The following CDK13 variants were observed in gnomAD, a reference collection of about 807,000 sequenced individuals.
CDK13 encodes cyclin dependent kinase 13.
A neutral mutation model predicts 137.6 loss-of-function variants in CDK13; 40 were observed. The observed-to-expected ratio is 0.29, with a 90% CI of 0.23 to 0.38. CDK13 has a LOEUF of 0.38. Ranked by LOEUF, CDK13 falls within the 10% of genes least tolerant of loss-of-function variation. The pLI is 1.00. For missense variants in CDK13, 1,704 were observed against 1,951.8 expected, an observed-to-expected ratio of 0.87 and a Z score of 2.39; for synonymous variants, 869 against 760.1, an observed-to-expected ratio of 1.14 and a Z score of -2.36.
Position 39,988,199 on chromosome 7 carries a change from C to T in CDK13, c.1812C>T (p.Thr604=), listed in dbSNP as rs780659478. Reference sequence around the variant, plus strand: ...AGGAGCAACATGTAGCTTTAGTCACCTCTACATTACCACCGTTACCTTTGC... The same window carrying T: ...AGGAGCAACATGTAGCTTTAGTCACTTCTACATTACCACCGTTACCTTTGC... ...KEKEQHVALV[T]STLPPLPLPP... is the part of the protein sequence containing the mutation. The change falls in exon 2 of 14, where the codon ACC becomes ACT. Residue 604 remains threonine (T), a synonymous_variant. Coordinates refer to ENST00000181839, the MANE Select transcript of CDK13 (RefSeq NM_003718.5). The T allele has an allele frequency of 1.2e-6, 2 of 1,613,824 alleles. No individual in the cohort carries two copies. The highest frequency in any genetic ancestry group is 1.7e-5 in the Admixed American group (1 of 59,940).
intron 5 of CDK13, among the ~76,000 whole-genome samples, chr7:40,027,451 G>A (rs1584008246): frequency 6.6e-6 from 1 of 152,094 alleles, no homozygotes; most frequent in African/African-American, 2.4e-5. Flanking sequence ...ACTTTGTATT[G>A]TACACTCACA....
Position 40,043,845 on chromosome 7 carries a change from AAAAG to A in CDK13, c.2354-1987_2354-1984del, listed in dbSNP as rs1240265404. ...AGACCCTGTCTCAAAAAAAAAAAAG[AAAAG>A]AAAAATACAGAGTTTTACAATTTGG... On this transcript the variant is annotated intron_variant, in intron 5 of 13. Transcript: ENST00000181839. 2.9e-4 allele frequency among the ~76,000 whole-genome samples: 36 copies of A among 126,018 alleles called. No homozygotes were observed. In the East Asian group the frequency reaches 0.014, roughly 50 times the overall value. 82.7% of individuals were successfully genotyped at this position (126,018 alleles called of 152,430 possible). A position where few individuals can be genotyped will look rare whatever the true frequency, so the allele number is the denominator to read the frequency against.
chr7:39,965,505 G>A (rs1783850987), intron 1 of CDK13, among the ~76,000 whole-genome samples: 1 of 152,088 alleles, frequency 6.6e-6, no homozygotes, highest in Admixed American at 6.6e-5. Context: ...TTGAGCCTAT[G>A]TGTGTCTCTG....
intron 5 of CDK13, among the ~76,000 whole-genome samples, chr7:40,023,913 C>G (rs1045837836): frequency 6.6e-6 from 1 of 152,136 alleles, no homozygotes; most frequent in African/African-American, 2.4e-5. Context: ...TTTATTTGTC[C>G]TTAGTCAGCT....
Position 40,094,832 on chromosome 7 carries a change from G to T in CDK13, c.4391G>T (p.Gly1464Val). 10 of 1,562,094 alleles carry T rather than the reference G, an allele frequency of 6.4e-6. No homozygotes were observed. Among genetic ancestry groups the T allele is most frequent in the East Asian group, 2.2e-5 (1 of 44,524 alleles). ...PAKMHNYNYG[G>V]NLQENPSGPS... is the part of the protein sequence containing the mutation. ...AAGATGCACAACTATAACTATGGTG[G>T]TAACTTACAGGAAAATCCGAGTGGC... The change falls in exon 14 of 14, where the codon GGT (glycine) becomes GTT (valine). Residue 1464 changes from glycine (G) to valine (V), a missense_variant. By Grantham distance (109) the Gly-to-Val change is moderately radical. Coordinates refer to ENST00000181839, the MANE Select transcript of CDK13 (RefSeq NM_003718.5).
chr7:40,069,547 A>G, intron 9 of CDK13: 1 of 299,382 alleles, frequency 3.3e-6, no homozygotes, highest in Admixed American at 4.0e-5. Flanking sequence ...TTTTCAGTAC[A>G]TATTTCTTCC....
At chr7:40,051,359 C>G (rs953437145) in intron 7 of CDK13, among the ~76,000 whole-genome samples, 10 of 151,434 alleles carry the variant, frequency 6.6e-5, no homozygotes, top group African/African-American at 2.2e-4. Context: ...ATATGTTGCT[C>G]TAGTGAACCT....
chr7:40,013,243 C>T (rs1288515162), intron 5 of CDK13, among the ~76,000 whole-genome samples: 1 of 152,058 alleles, frequency 6.6e-6, no homozygotes, highest in African/African-American at 2.4e-5. Context: ...ATGATGGTTA[C>T]TAGGGGCTTA....
chr7:40,062,715 G>C (rs1786182123), intron 7 of CDK13, 111 bp from the exon 8 acceptor site: 1 of 759,276 alleles, frequency 1.3e-6, no homozygotes, highest in African/African-American at 1.7e-5. Flanking sequence ...GCAGATGAAA[G>C]TGTTTTTAGT....
Position 39,990,485 on chromosome 7 carries a change from T to C in CDK13, c.1871+2227T>C, listed in dbSNP as rs10229804. ...AGAGACTTGATATTGTTTTACTTTT[T>C]ATAAAAGTTTTTAGGTGATTAAATA... On this transcript the variant is annotated intron_variant, in intron 2 of 13. Coordinates refer to ENST00000181839, the MANE Select transcript of CDK13 (RefSeq NM_003718.5). Among the ~76,000 whole-genome samples, 444 of 152,352 alleles carry C rather than the reference T, an allele frequency of 2.9e-3. 3 individuals are homozygous for C. Among genetic ancestry groups the C allele is most frequent in the African/African-American group, 0.01 (423 of 41,588 alleles).
intron 5 of CDK13, among the ~76,000 whole-genome samples, chr7:40,005,794 A>G (rs1016622714): frequency 2.6e-5 from 4 of 152,004 alleles, no homozygotes; most frequent in African/African-American, 7.2e-5. Flanking sequence ...GTGGCATGCA[A>G]TCAGGGCTTA....
At chr7:39,996,987 AAG>A (rs1784577626) in intron 2 of CDK13, among the ~76,000 whole-genome samples, 2 of 150,938 alleles carry the variant, frequency 1.3e-5, no homozygotes, top group African/African-American at 2.5e-5. Context: ...GAAAAAAAAA[AAG>A]AAAAATGCTT....
chr7:40,064,781 AC>A (rs1436738822), intron 9 of CDK13, among the ~76,000 whole-genome samples: 3 of 137,050 alleles, frequency 2.2e-5, no homozygotes, highest in Non-Finnish European at 3.2e-5. Context: ...CTTTTATGTT[AC>A]TTTTTTTTTT....
chr7:40,044,657 G>C (rs1340018174), intron 5 of CDK13, among the ~76,000 whole-genome samples: 2 of 151,834 alleles, frequency 1.3e-5, no homozygotes, highest in African/African-American at 2.4e-5. Flanking sequence ...CTTTTTTTGA[G>C]ACGGAGTCTC....
intron 1 of CDK13, among the ~76,000 whole-genome samples, chr7:39,964,513 TTTTC>T (rs1398525547): frequency 1.3e-5 from 2 of 150,822 alleles, no homozygotes; most frequent in Non-Finnish European, 3.0e-5. Flanking sequence ...CTTCTCTCTT[TTTTC>T]TTTATTAGTC....
At chr7:40,012,787 C>CTGTA (rs1210597645) in intron 5 of CDK13, among the ~76,000 whole-genome samples, 1 of 151,884 alleles carries the variant, frequency 6.6e-6, no homozygotes, top group African/African-American at 2.4e-5. Flanking sequence ...TGGTGGGCGC[C>CTGTA]TGTAATCCCA....
chr7:40,099,118 T>G lies in CDK13; in HGVS notation c.*4138T>G, dbSNP rs1308519115. On this transcript the variant is annotated 3_prime_UTR_variant, in exon 14 of 14. Transcript: ENST00000181839. ...TTCAGGGTTTTGTAATTTCAAGTGG[T>G]TTTTTAAGGGGAGCAATAGTTTGCC... 1 of 151,764 alleles carries G rather than the reference T, an allele frequency of 6.6e-6. No individual in the cohort carries two copies. The highest frequency in any genetic ancestry group is 1.5e-5 in the Non-Finnish European group (1 of 67,902). The allele number at this position is 151,764 out of a possible 1,614,324, so 9.4% of individuals were successfully genotyped here. A position where few individuals can be genotyped will look rare whatever the true frequency, so the allele number is the denominator to read the frequency against.
chr7:40,054,571 C>T (rs935343044), intron 7 of CDK13, among the ~76,000 whole-genome samples: 3 of 152,066 alleles, frequency 2.0e-5, no homozygotes, highest in Admixed American at 6.5e-5. Flanking sequence ...GCTGGGATTA[C>T]AGGCACCTGC....
chr7:39,960,096 G>A (rs1702966105), intron 1 of CDK13, among the ~76,000 whole-genome samples: 1 of 147,294 alleles, frequency 6.8e-6, no homozygotes, highest in Non-Finnish European at 1.5e-5. Context: ...TTTTTCCAGT[G>A]GTCTTTTGGT....
Sources: allele counts gnomAD v4.1 joint callset (sites outside exome capture counted in the v4.1 genomes callset), GRCh38; gene constraint gnomAD v4.1.1; transcripts MANE v1.5; gene names NCBI Gene and HGNC (gene_info 2026-07-23, HGNC 2026-07-21).